The following LDHB variants were observed in gnomAD, a reference collection of about 807,000 sequenced individuals.
The protein encoded by LDHB is L-lactate dehydrogenase B chain.
Under a neutral mutation model 33.4 loss-of-function variants are expected in LDHB, and 18 were observed. That is an observed-to-expected ratio of 0.54 (90% confidence interval 0.37 to 0.80). LDHB has a LOEUF of 0.80. Ranked by LOEUF, LDHB falls within the 30% of genes least tolerant of loss-of-function variation. The probability of loss-of-function intolerance (pLI) is 0.00; values close to 1 mark genes in which losing one functional copy is unlikely to be tolerated. For synonymous variants in LDHB, 121 were observed against 140.6 expected (o/e 0.86, Z 0.98); for missense variants, 345 against 407.9 (o/e 0.85, Z 1.33).
chr12:21,647,450 G>A (rs1414780034), intron 2 of LDHB, among the ~76,000 whole-genome samples: 2 of 151,786 alleles, frequency 1.3e-5, no homozygotes, highest in African/African-American at 4.8e-5. Flanking sequence ...GTTGAAGCTT[G>A]GAATCTTCAG....
intron 5 of LDHB, 110 bp from the exon 6 acceptor site, chr12:21,638,580 C>T (rs1360916925): frequency 2.7e-6 from 2 of 750,708 alleles, no homozygotes; most frequent in African/African-American, 3.5e-5. Context: ...TGAATACCAA[C>T]TGGAACTGCT....
intron 3 of LDHB, among the ~76,000 whole-genome samples, chr12:21,645,244 C>CAGGCT (rs398116214): frequency 2.6e-5 from 4 of 151,800 alleles, no homozygotes; most frequent in African/African-American, 7.3e-5. Flanking sequence ...TATGGAAGGC[C>CAGGCT]GCAGGGACCT....
intron 3 of LDHB, 30 bp downstream of exon 3, chr12:21,646,869 T>A: frequency 3.1e-6 from 4 of 1,270,526 alleles, no homozygotes; most frequent in Non-Finnish European, 4.6e-6. Flanking sequence ...AAAAAAATAT[T>A]AGATCACTTT....
chr12:21,649,699 C>A (rs997719629), intron 2 of LDHB, among the ~76,000 whole-genome samples: 3 of 152,062 alleles, frequency 2.0e-5, no homozygotes, highest in Non-Finnish European at 4.4e-5. Flanking sequence ...AATCTAAAGT[C>A]CTGTGTGGAC....
chr12:21,637,610 A>C (rs1163356758), intron 6 of LDHB, among the ~76,000 whole-genome samples: 1 of 152,052 alleles, frequency 6.6e-6, no homozygotes, highest in East Asian at 1.9e-4. Flanking sequence ...ACTAACTAAT[A>C]AAAGGGATAA....
chr12:21,650,671 GGTA>G (rs374423190), intron 2 of LDHB, among the ~76,000 whole-genome samples: 146 of 152,292 alleles, frequency 9.6e-4, no homozygotes, highest in South Asian at 6.6e-3. Context: ...AGTAAAGTCT[GGTA>G]GTAGAAGATG....
chr12:21,640,708 C>T (rs1938349921), intron 5 of LDHB, among the ~76,000 whole-genome samples: 1 of 151,992 alleles, frequency 6.6e-6, no homozygotes, highest in Admixed American at 6.6e-5. Context: ...TTCTAACTAC[C>T]ATTCCTCACT....
intron 7 of LDHB, among the ~76,000 whole-genome samples, chr12:21,636,019 A>G (rs888948007): frequency 2.6e-5 from 4 of 152,178 alleles, no homozygotes; most frequent in African/African-American, 9.7e-5. Context: ...TTATGTTTTG[A>G]ATTAGGTTTT....
At chr12:21,649,189 C>A (rs1938610882) in intron 2 of LDHB, among the ~76,000 whole-genome samples, 1 of 152,142 alleles carries the variant, frequency 6.6e-6, no homozygotes, top group African/African-American at 2.4e-5. Context: ...ATCCACAGGG[C>A]AAAACAATTT....
intron 1 of LDHB, chr12:21,657,293 C>T (rs1938879992): frequency 6.6e-6 from 1 of 152,200 alleles, no homozygotes; most frequent in Non-Finnish European, 1.5e-5. Flanking sequence ...TCTCCTCATC[C>T]CAGCGAGTGC....
At chr12:21,642,176 T>C in intron 4 of LDHB, 51 bp from the exon 5 acceptor site, 1 of 1,399,144 alleles carries the variant, frequency 7.1e-7, no homozygotes, top group Non-Finnish European at 1.0e-6. Context: ...CAACTTCAAC[T>C]GTTAGGCAGC....
intron 2 of LDHB, among the ~76,000 whole-genome samples, chr12:21,653,412 A>G (rs981258615): frequency 6.6e-5 from 10 of 152,154 alleles, no homozygotes; most frequent in African/African-American, 1.9e-4. Flanking sequence ...TTTCATCCCA[A>G]AACTATCCCC....
intron 2 of LDHB, among the ~76,000 whole-genome samples, chr12:21,650,901 C>T (rs1264849389): frequency 2.0e-5 from 3 of 152,208 alleles, no homozygotes; most frequent in Non-Finnish European, 2.9e-5. Context: ...GGTAGAAGTG[C>T]TCTGAAGGGC....
chr12:21,649,120 G>A (rs1369507199), intron 2 of LDHB, among the ~76,000 whole-genome samples: 1 of 152,130 alleles, frequency 6.6e-6, no homozygotes, highest in Non-Finnish European at 1.5e-5. Context: ...GTTCTATTAA[G>A]GTACTGAGCA....
In LDHB at chr12:21,635,473, G is replaced by T; in HGVS notation, c.*69C>A. 1.6e-6 allele frequency: 2 copies of T among 1,274,846 alleles called. No homozygotes were observed. Among genetic ancestry groups the T allele is most frequent in the Non-Finnish European group, 2.3e-6 (2 of 873,060 alleles). The allele number at this position is 1,274,846 out of a possible 1,614,324, so 79.0% of individuals were successfully genotyped here. A position where few individuals can be genotyped will look rare whatever the true frequency, so the allele number is the denominator to read the frequency against. On this transcript the variant is annotated 3_prime_UTR_variant, in exon 8 of 8. Coordinates refer to ENST00000350669, the MANE Select transcript of LDHB (RefSeq NM_002300.8). ...AAAGCAAACTGTGATCCATGTACAT[G>T]GATGAAAACTAAAGGCTCGAGTTAA...
chr12:21,642,363 G>A (rs1298066911), intron 4 of LDHB, among the ~76,000 whole-genome samples: 2 of 152,148 alleles, frequency 1.3e-5, no homozygotes, highest in Non-Finnish European at 2.9e-5. Flanking sequence ...GCAATACTGT[G>A]CTTTTACATT....
chr12:21,655,144 C>T (rs979696234), intron 1 of LDHB, among the ~76,000 whole-genome samples: 1 of 152,194 alleles, frequency 6.6e-6, no homozygotes, highest in African/African-American at 2.4e-5. Flanking sequence ...AAAAAAGAAC[C>T]ATGAGACCCA....
In LDHB at chr12:21,642,126, C is replaced by A; in HGVS notation, c.422-1G>T. On this transcript the variant is annotated splice_acceptor_variant, in intron 4 of 7. Coordinates refer to ENST00000350669, the MANE Select transcript of LDHB (RefSeq NM_002300.8). LOFTEE classifies it high-confidence loss of function. ...CAGGTAACATACGTAAGAATGTCCA[C>A]TAAAAATTTTGGAAATAATATATGT... is the stretch of plus-strand genomic sequence containing the variant. 6.2e-7 allele frequency: 1 copy of A among 1,612,012 alleles called. No individual in the cohort carries two copies. Among genetic ancestry groups the A allele is most frequent in the Non-Finnish European group, 8.5e-7 (1 of 1,178,396 alleles).
At chr12:21,638,586 C>A (rs984994945) in intron 5 of LDHB, 116 bp from the exon 6 acceptor site, 12 of 734,390 alleles carry the variant, frequency 1.6e-5, no homozygotes, top group African/African-American at 1.6e-4. Context: ...CCAACTGGAA[C>A]TGCTCCAATA....
Sources: allele counts gnomAD v4.1 joint callset (sites outside exome capture counted in the v4.1 genomes callset), GRCh38; gene constraint gnomAD v4.1.1; transcripts MANE v1.5; gene names NCBI Gene and HGNC (gene_info 2026-07-23, HGNC 2026-07-21).